The following ARHGEF26 variants were observed in gnomAD, a reference collection of about 807,000 sequenced individuals.
ARHGEF26 encodes Rho guanine nucleotide exchange factor 26, also known as Rho guanine nucleotide exchange factor (GEF) 26.
A neutral mutation model predicts 89.4 loss-of-function variants in ARHGEF26; 59 were observed. The ratio of observed to expected loss-of-function variants is 0.66; its 90% CI spans 0.54 to 0.82. ARHGEF26 has a LOEUF of 0.82. ARHGEF26 is among the 40% of genes least tolerant of loss of function. The probability of loss-of-function intolerance (pLI) is 0.00; values close to 1 mark genes in which losing one functional copy is unlikely to be tolerated. For missense variants in ARHGEF26, 1,234 were observed against 1,085.6 expected, an observed-to-expected ratio of 1.14 and a Z score of -1.92; for synonymous variants, 500 against 428.4, an observed-to-expected ratio of 1.17 and a Z score of -2.06.
chr3:154,143,026 A>G (rs1322318849), intron 4 of ARHGEF26, among the ~76,000 whole-genome samples: 2 of 152,168 alleles, frequency 1.3e-5, no homozygotes, highest in Non-Finnish European at 2.9e-5. Flanking sequence ...AAATAGAGGT[A>G]TTATTGGCAC....
chr3:154,233,585 G>A (rs150669470), intron 11 of ARHGEF26, among the ~76,000 whole-genome samples: 575 of 152,328 alleles, frequency 3.8e-3, no homozygotes, highest in African/African-American at 0.013. Context: ...AAATTCCTCA[G>A]AGGGATTTAA....
At chr3:154,254,147 C>T (rs529818613) in intron 13 of ARHGEF26, among the ~76,000 whole-genome samples, 3 of 152,238 alleles carry the variant, frequency 2.0e-5, no homozygotes, top group Non-Finnish European at 4.4e-5. Flanking sequence ...AATCTCCTGA[C>T]CTCGTGATCC....
chr3:154,132,574 G>A (rs1355325189), intron 4 of ARHGEF26, among the ~76,000 whole-genome samples: 2 of 152,058 alleles, frequency 1.3e-5, no homozygotes, highest in Non-Finnish European at 2.9e-5. Flanking sequence ...CGGAGGCTTC[G>A]TGCATCATTA....
intron 12 of ARHGEF26, among the ~76,000 whole-genome samples, chr3:154,245,560 T>C (rs1249879282): frequency 6.6e-6 from 1 of 152,234 alleles, no homozygotes; most frequent in Non-Finnish European, 1.5e-5. Context: ...TTAGGGCCCA[T>C]GTCAAGCCTT....
chr3:154,195,007 C>T (rs1714200141), intron 9 of ARHGEF26, among the ~76,000 whole-genome samples: 2 of 152,166 alleles, frequency 1.3e-5, no homozygotes, highest in South Asian at 4.1e-4. Flanking sequence ...TGAGTATCAA[C>T]CACTGTGCCA....
chr3:154,177,200 C>T (rs866165258), intron 6 of ARHGEF26, among the ~76,000 whole-genome samples: 4 of 152,130 alleles, frequency 2.6e-5, no homozygotes, highest in Admixed American at 6.5e-5. Context: ...TTTTATAATT[C>T]TAAATTTACT....
At chr3:154,174,176 C>T (rs1310435630) in intron 6 of ARHGEF26, among the ~76,000 whole-genome samples, 1 of 152,150 alleles carries the variant, frequency 6.6e-6, no homozygotes, top group Non-Finnish European at 1.5e-5. Context: ...GTGGGATCAC[C>T]ATAAACTGGG....
intron 11 of ARHGEF26, among the ~76,000 whole-genome samples, chr3:154,229,518 G>A (rs1232354224): frequency 6.6e-6 from 1 of 152,202 alleles, no homozygotes; most frequent in African/African-American, 2.4e-5. Flanking sequence ...TTGAAGCTTT[G>A]ACTAGAAGTT....
chr3:154,157,264 G>A (rs1022152644), intron 6 of ARHGEF26, among the ~76,000 whole-genome samples: 4 of 152,244 alleles, frequency 2.6e-5, no homozygotes, highest in Admixed American at 2.0e-4. Context: ...CCCAGGGGCC[G>A]TTGGTTCTTG....
chr3:154,167,297 C>A (rs1487885962), intron 6 of ARHGEF26, among the ~76,000 whole-genome samples: 1 of 152,140 alleles, frequency 6.6e-6, no homozygotes, highest in East Asian at 1.9e-4. Flanking sequence ...GGTCCTTGTC[C>A]TTGAGACCTG....
intron 6 of ARHGEF26, among the ~76,000 whole-genome samples, chr3:154,176,743 G>C (rs1377692961): frequency 1.3e-5 from 2 of 152,124 alleles, no homozygotes; most frequent in Non-Finnish European, 2.9e-5. Context: ...GAGAAAAAGG[G>C]TAATGCGGCC....
intron 6 of ARHGEF26, among the ~76,000 whole-genome samples, chr3:154,158,372 T>C (rs1450961662): frequency 3.9e-5 from 6 of 152,212 alleles, no homozygotes; most frequent in Non-Finnish European, 5.9e-5. Context: ...GGCCTAACAA[T>C]TGTTTGTTTT....
At chr3:154,191,494 T>C (rs1323842036) in intron 8 of ARHGEF26, 76 bp downstream of exon 8, 2 of 1,501,768 alleles carry the variant, frequency 1.3e-6, no homozygotes, top group Non-Finnish European at 1.8e-6. Flanking sequence ...TTATTATTAT[T>C]CCACTTAAAT....
intron 6 of ARHGEF26, among the ~76,000 whole-genome samples, chr3:154,155,785 A>G (rs1962674): frequency 0.18 from 27,059 of 151,838 alleles, 2,917 homozygotes; most frequent in East Asian, 0.36. Context: ...GTAGGCATGT[A>G]AAGATCATCA....
intron 4 of ARHGEF26, among the ~76,000 whole-genome samples, chr3:154,147,267 C>T (rs1451168273): frequency 1.3e-5 from 2 of 152,132 alleles, no homozygotes; most frequent in Non-Finnish European, 2.9e-5. Flanking sequence ...TAGCCAGGCA[C>T]TGTGGTGCAC....
chr3:154,253,394 C>T lies in ARHGEF26; in HGVS notation c.2368+211C>T, dbSNP rs530464286. Among the ~76,000 whole-genome samples, 5 of 152,300 alleles carry T rather than the reference C, an allele frequency of 3.3e-5. No individual in the cohort carries two copies. In the South Asian group the frequency reaches 6.2e-4, roughly 19 times the overall value. ...AAGGTGCATTTCTTTGTTGTGTAAACGTGTCAAATCATTGCTTAGCATTGC... is the reference window on the plus strand; with the variant it reads ...AAGGTGCATTTCTTTGTTGTGTAAATGTGTCAAATCATTGCTTAGCATTGC... On this transcript the variant is annotated intron_variant, in intron 13 of 14. Coordinates refer to ENST00000465093, the MANE Select transcript of ARHGEF26 (RefSeq NM_015595.4).
At chr3:154,148,880 G>A (rs1576704100) in intron 4 of ARHGEF26, among the ~76,000 whole-genome samples, 1 of 152,006 alleles carries the variant, frequency 6.6e-6, no homozygotes, top group African/African-American at 2.4e-5. Context: ...AGATACATGT[G>A]GACCAAAAAA....
At chr3:154,166,307 C>G (rs185317347) in intron 6 of ARHGEF26, among the ~76,000 whole-genome samples, 1 of 152,146 alleles carries the variant, frequency 6.6e-6, no homozygotes, top group Admixed American at 6.5e-5. Context: ...GCCTTGGCCT[C>G]CCAAAATGCT....
In ARHGEF26 at chr3:154,122,888, A is replaced by G. The variant is rs767760029; in HGVS notation, c.896A>G (p.Asp299Gly). The change falls in exon 2 of 15, where the codon GAT becomes GGT. Residue 299 changes from aspartate to glycine, a missense_variant. Physicochemically the swap from Asp to Gly is moderately conservative, Grantham distance 94. Transcript: ENST00000465093. Reference sequence around the variant, plus strand: ...CACGCAGGGGAGGAGAGTGAGGTCGATAACGACGTGGATAGCCCAGGGTCT... The same window carrying G: ...CACGCAGGGGAGGAGAGTGAGGTCGGTAACGACGTGGATAGCCCAGGGTCT... ...LGHAGEESEV[D>G]NDVDSPGSLR... 5.6e-6 allele frequency: 9 copies of G among 1,612,954 alleles called. No individual in the cohort carries two copies. Among genetic ancestry groups the G allele is most frequent in the Non-Finnish European group, 8.5e-7 (1 of 1,179,538 alleles).
Sources: allele counts gnomAD v4.1 joint callset (sites outside exome capture counted in the v4.1 genomes callset), GRCh38; gene constraint gnomAD v4.1.1; transcripts MANE v1.5; gene names NCBI Gene and HGNC (gene_info 2026-07-23, HGNC 2026-07-21).